Variants in CEP95 observed in about 807,000 individuals in gnomAD.
CEP95 encodes the protein centrosomal protein 95, also known as centrosomal protein of 95 kDa.
A neutral mutation model predicts 111.2 loss-of-function variants in CEP95; 98 were observed. The ratio of observed to expected loss-of-function variants is 0.88; its 90% CI spans 0.75 to 1.04. The LOEUF (loss-of-function observed/expected upper bound fraction) is 1.04, where lower values mean the gene tolerates loss of function less well. Among genes scored for constraint, CEP95 ranks in the 50% least tolerant of loss-of-function variants. CEP95 has a pLI of 0.00. For missense variants in CEP95, 1,027 were observed against 977.2 expected, an observed-to-expected ratio of 1.05 and a Z score of -0.68; for synonymous variants, 323 against 327.1, an observed-to-expected ratio of 0.99 and a Z score of 0.14.
intron 4 of CEP95, among the ~76,000 whole-genome samples, chr17:64,515,115 A>G (rs975605768): frequency 2.0e-5 from 3 of 152,188 alleles, no homozygotes; most frequent in African/African-American, 7.2e-5. Flanking sequence ...ACTGGGAGGG[A>G]AAATTGAAAA....
chr17:64,511,374 C>T (rs782397719), intron 3 of CEP95, among the ~76,000 whole-genome samples: 11 of 152,158 alleles, frequency 7.2e-5, no homozygotes, highest in East Asian at 3.8e-4. Flanking sequence ...CCCGGGGGAC[C>T]GTCTGTAGAC....
At position 64,522,765 on chromosome 17, in the gene CEP95, C is replaced by T; in HGVS notation, c.779C>T (p.Ala260Val). The T allele has an allele frequency of 1.2e-6, 2 of 1,613,896 alleles. No individual in the cohort carries two copies. The highest frequency in any genetic ancestry group is 1.7e-6 in the Non-Finnish European group (2 of 1,179,840). The stretch of plus-strand genomic sequence containing the variant: ...AAGCTAGGGGAGCCTATCCGAGCAG[C>T]TATTCCTTTACATCCACCCTACCAC... ...ARKLGEPIRA[A>V]IPLHPPYHPS... Residue 260 changes from alanine to valine, a missense_variant, in exon 8 of 20, where the codon GCT becomes GTT. Transcript: ENST00000556440.
At chr17:64,537,531 T>C (rs782394205) in intron 19 of CEP95, 72 bp from the exon 20 acceptor site, 108 of 1,468,744 alleles carry the variant, frequency 7.4e-5, no homozygotes, top group Non-Finnish European at 8.4e-5. Flanking sequence ...AGCTGGAAGA[T>C]GGAGAGGGAA....
chr17:64,523,485 A>G (rs1301360605), intron 8 of CEP95, among the ~76,000 whole-genome samples: 8 of 152,052 alleles, frequency 5.3e-5, no homozygotes, highest in African/African-American at 1.9e-4. Flanking sequence ...CTGTTAACAT[A>G]TTGATCTATT....
upstream of CEP95, chr17:64,506,907 A>G: frequency 2.9e-6 from 2 of 686,760 alleles, no homozygotes; most frequent in African/African-American, 1.8e-5. Context: ...GTCCTGTGAA[A>G]GGAAGTGCTC....
chr17:64,537,461 G>A lies in CEP95; in HGVS notation c.2290-142G>A, dbSNP rs568917628. The A allele has an allele frequency of 3.1e-5, 43 of 1,392,156 alleles. No individual in the cohort carries two copies. The South Asian group carries it at 7.4e-4, about 24-fold the overall frequency. 86.2% of individuals were successfully genotyped at this position (1,392,156 alleles called of 1,614,324 possible). A position where few individuals can be genotyped will look rare whatever the true frequency, so the allele number is the denominator to read the frequency against. ...TTTTTATCCTATGATTTTAACTTTA[G>A]TTAGGTCTCTGTAAGAGCTGCTGTT... On this transcript the variant is annotated intron_variant, in intron 19 of 19. Transcript: ENST00000556440.
In CEP95 at chr17:64,520,812, C is replaced by G. The variant is rs186393767; in HGVS notation, c.590-590C>G. ...TTCATACCAAGACATGTCCATAAAA[C>G]AGCCAGCATTTCCGTAACTCTGGCA... On this transcript the variant is annotated intron_variant, in intron 6 of 19. Coordinates refer to ENST00000556440, the MANE Select transcript of CEP95 (RefSeq NM_138363.3). 6.1e-3 allele frequency among the ~76,000 whole-genome samples: 927 copies of G among 152,332 alleles called. 4 individuals carry two copies. The highest frequency in any genetic ancestry group is 0.011 in the Admixed American group (163 of 15,302).
At position 64,516,746 on chromosome 17, in the gene CEP95, G is replaced by T; in HGVS notation, c.391G>T (p.Glu131Ter). The change falls in exon 5 of 20, where the codon GAA (glutamate) becomes TAA (stop). Residue 131 changes from glutamate (E) to a stop codon, truncating the protein, a stop_gained. Transcript: ENST00000556440. LOFTEE classifies it high-confidence loss of function. ...AGGTGAAACTGAACAGTATTTTAAA[G>T]AATCTGATCGAGGAGAACGTTTGGA... ...EKSETEQYFKESDRGERLEEP... is the reference protein window; with the variant it reads ...EKSETEQYFK The T allele has an allele frequency of 6.2e-7, 1 of 1,610,162 alleles. No individual in the cohort carries two copies. Among genetic ancestry groups the T allele is most frequent in the Non-Finnish European group, 8.5e-7 (1 of 1,176,612 alleles).
chr17:64,526,887 T>C (rs186675486), intron 10 of CEP95, among the ~76,000 whole-genome samples: 14 of 152,258 alleles, frequency 9.2e-5, no homozygotes, highest in African/African-American at 2.9e-4. Context: ...TGGAACCCAG[T>C]AGGCAGAGGT....
intron 14 of CEP95, chr17:64,532,562 G>C: frequency 8.3e-7 from 1 of 1,209,404 alleles, no homozygotes; most frequent in Non-Finnish European, 1.0e-6. Context: ...ACCGTACGTA[G>C]AGAATCTACC....
intron 6 of CEP95, chr17:64,520,359 CT>C (rs1282754037): frequency 1.3e-5 from 2 of 151,948 alleles, no homozygotes; most frequent in African/African-American, 4.8e-5. Flanking sequence ...GATAAAAGGG[CT>C]TATGGCAGCT....
Position 64,516,814 on chromosome 17 carries a change from A to G in CEP95, c.459A>G (p.Arg153=). Residue 153 remains arginine, a synonymous_variant, in exon 5 of 20, where the codon AGA becomes AGG. Transcript: ENST00000556440. The stretch of plus-strand genomic sequence containing the variant: ...AAGAATCTAAATCATCATGGAAAAG[A>G]GTTTCTTTTGGGAGGTAGCACTTAG... ...STKESKSSWK[R]VSFGRCSLSS... 1 of 1,602,856 alleles carries G rather than the reference A, an allele frequency of 6.2e-7. No homozygotes were observed. The highest frequency in any genetic ancestry group is 8.5e-7 in the Non-Finnish European group (1 of 1,170,240).
chr17:64,508,362 T>C (rs1395277914), intron 1 of CEP95: 2 of 985,158 alleles, frequency 2.0e-6, no homozygotes, highest in Non-Finnish European at 2.4e-6. Context: ...AGTATAGTTT[T>C]GACTATGTAG....
chr17:64,529,350 A>T lies in CEP95; in HGVS notation c.1369A>T (p.Lys457Ter), dbSNP rs1968097782. 1.2e-6 allele frequency: 2 copies of T among 1,613,738 alleles called. No individual in the cohort carries two copies. Among genetic ancestry groups the T allele is most frequent in the Non-Finnish European group, 1.7e-6 (2 of 1,179,836 alleles). Residue 457 changes from lysine to a stop codon, truncating the protein, a stop_gained, in exon 12 of 20, where the codon AAA becomes TAA. Coordinates refer to ENST00000556440, the MANE Select transcript of CEP95 (RefSeq NM_138363.3). LOFTEE classifies it high-confidence loss of function. ...SHSLSPSPVNKHKQFHLERKR... is the reference protein window; with the variant it reads ...SHSLSPSPVN ...TTCGCTCTCTCCATCTCCAGTTAAC[A>T]AACACAAACAGTTCCACTTGGAGAG...
intron 9 of CEP95, 94 bp downstream of exon 9, chr17:64,525,976 G>C: frequency 6.7e-7 from 1 of 1,501,586 alleles, no homozygotes; most frequent in Non-Finnish European, 9.0e-7. Context: ...GTGAAGACCA[G>C]AATGAAGTAT....
rs375772750 is a variant in CEP95, at chr17:64,533,141, G to A, written c.1867G>A (p.Asp623Asn). 1 of 1,602,652 alleles carries A rather than the reference G, an allele frequency of 6.2e-7. No individual in the cohort carries two copies. The highest frequency in any genetic ancestry group is 8.5e-7 in the Non-Finnish European group (1 of 1,177,038). The change falls in exon 16 of 20, where the codon GAC becomes AAC. Residue 623 changes from aspartate (D) to asparagine (N), a missense_variant. Physicochemically the swap from Asp to Asn is conservative, Grantham distance 23 (BLOSUM62 1). Coordinates refer to ENST00000556440, the MANE Select transcript of CEP95 (RefSeq NM_138363.3). The stretch of plus-strand genomic sequence containing the variant: ...GATAGAAGAAGCCCTAAGAAGGCAT[G>A]ACCTCCTTACTACCCTTGTCAAGAA... ...DEIEEALRRH[D>N]LLTTLVKKEY...
In CEP95 at chr17:64,521,429, C is replaced by CTA. The variant is rs1425690124; in HGVS notation, c.618_619dup (p.Lys207IlefsTer5). The CTA allele has an allele frequency of 6.2e-7, 1 of 1,611,720 alleles. No individual in the cohort carries two copies. Among genetic ancestry groups the CTA allele is most frequent in the East Asian group, 2.2e-5 (1 of 44,800 alleles). ...GCTCAATGTCCTAATGAAATGCTGTCTAAAAAAGCCTTAGCCTCACCAAGT... is the reference window on the plus strand; with the variant it reads ...GCTCAATGTCCTAATGAAATGCTGTCTATAAAAAAGCCTTAGCCTCACCAAGT... On this transcript the variant is annotated frameshift_variant, in exon 7 of 20. Transcript: ENST00000556440. LOFTEE classifies it high-confidence loss of function.
rs1968767899 is a variant in CEP95 at position 64,537,912 on chromosome 17, T to C, written c.*133T>C. 4.3e-6 allele frequency: 2 copies of C among 463,238 alleles called. No individual in the cohort carries two copies. Among genetic ancestry groups the C allele is most frequent in the African/African-American group, 2.0e-5 (1 of 49,850 alleles). 28.7% of individuals were successfully genotyped at this position (463,238 alleles called of 1,614,324 possible). A position where few individuals can be genotyped will look rare whatever the true frequency, so the allele number is the denominator to read the frequency against. ...TACCTGTATTTTCATTCCAGTACTT[T>C]TTATGATTTTTTAAATAAAAATTGT... On this transcript the variant is annotated 3_prime_UTR_variant, in exon 20 of 20. Transcript: ENST00000556440.
chr17:64,507,223 C>A, intron 1 of CEP95, 107 bp downstream of exon 1: 1 of 1,526,992 alleles, frequency 6.5e-7, no homozygotes, highest in Non-Finnish European at 8.8e-7. Context: ...GGGCTCGTGA[C>A]CTTCAGACGC....
Sources: allele counts gnomAD v4.1 joint callset (sites outside exome capture counted in the v4.1 genomes callset), GRCh38; gene constraint gnomAD v4.1.1; transcripts MANE v1.5; gene names NCBI Gene and HGNC (gene_info 2026-07-23, HGNC 2026-07-21).